PANK4: variants seen among roughly 807,000 people sequenced by gnomAD.
PANK4 encodes 4'-phosphopantetheine phosphatase.
A neutral mutation model predicts 87.9 loss-of-function variants in PANK4; 40 were observed. The observed-to-expected ratio is 0.46, with a 90% CI of 0.35 to 0.59. The LOEUF (loss-of-function observed/expected upper bound fraction) is 0.59, where lower values mean the gene tolerates loss of function less well. PANK4 is among the 20% of genes least tolerant of loss of function. The probability of loss-of-function intolerance (pLI) is 0.00; values close to 1 mark genes in which losing one functional copy is unlikely to be tolerated. For missense variants in PANK4, 926 were observed against 1,072.3 expected (o/e 0.86, Z 1.90); for synonymous variants, 524 against 467.4 (o/e 1.12, Z -1.56).
chr1:2,513,993 T>A lies in PANK4; in HGVS notation c.1575+9A>T. The A allele has an allele frequency of 6.3e-7, 1 of 1,599,394 alleles. No homozygotes were observed. The highest frequency in any genetic ancestry group is 1.1e-5 in the South Asian group (1 of 90,860). On this transcript the variant is annotated intron_variant, in intron 12 of 18. Coordinates refer to ENST00000378466, the MANE Select transcript of PANK4 (RefSeq NM_018216.4). ...GAGCGAGCGGAAGGCCAGGGCACACTGCACTTACTTTGGAGTAGGGATCCG... is the reference window on the plus strand; with the variant it reads ...GAGCGAGCGGAAGGCCAGGGCACACAGCACTTACTTTGGAGTAGGGATCCG...
intron 1 of PANK4, among the ~76,000 whole-genome samples, chr1:2,524,597 A>G (rs576039127): frequency 4.0e-4 from 61 of 151,998 alleles, no homozygotes; most frequent in Non-Finnish European, 7.7e-4. Flanking sequence ...ACAGGCTGGT[A>G]CTCCAGGGCC....
At position 2,520,448 on chromosome 1, in the gene PANK4, G is replaced by A. The variant is rs200996937; in HGVS notation, c.607-34C>T. The A allele has an allele frequency of 6.6e-3, 10,385 of 1,577,574 alleles. 42 individuals carry two copies. The highest frequency in any genetic ancestry group is 8.1e-3 in the Non-Finnish European group (9,283 of 1,149,300). On this transcript the variant is annotated intron_variant, in intron 4 of 18. Transcript: ENST00000378466. The surrounding 1 kb of genome is among the most constrained non-coding windows in gnomAD (Gnocchi z 6.2). ...GAGCCAGGGCAGGTGTGCCCTCAGT[G>A]GGCCCTCAGCCACACAGGCTCCCCC... is the stretch of plus-strand genomic sequence containing the variant.
At chr1:2,514,817 C>T (rs775510677) in intron 10 of PANK4, among the ~76,000 whole-genome samples, 124 of 152,024 alleles carry the variant, frequency 8.2e-4, no homozygotes, top group Non-Finnish European at 1.5e-3. Flanking sequence ...CTTTGCCATT[C>T]GCCCCTCCCA....
In PANK4 at chr1:2,520,796, C is replaced by T. The variant is rs779917427; in HGVS notation, c.533G>A (p.Arg178Gln). 3.1e-6 allele frequency: 5 copies of T among 1,612,744 alleles called. No homozygotes were observed. The highest frequency in any genetic ancestry group is 3.4e-6 in the Non-Finnish European group (4 of 1,179,524). Residue 178 changes from arginine (R) to glutamine (Q), a missense_variant, in exon 4 of 19, where the codon CGG (arginine) becomes CAG (glutamine). Coordinates refer to ENST00000378466, the MANE Select transcript of PANK4 (RefSeq NM_018216.4). This position sits in a 1 kb window ranked among gnomAD's most constrained non-coding sequence, Gnocchi z 6.2. The part of the protein sequence containing the change: ...VYQKDSDPEF[R>Q]FQTNHPHIFP... ...AATGTGGGGGTGGTTGGTCTGGAACCGGAACTCAGGGTCGGAATCCTTCTG... is the reference window on the plus strand; with the variant it reads ...AATGTGGGGGTGGTTGGTCTGGAACTGGAACTCAGGGTCGGAATCCTTCTG...
chr1:2,519,090 G>C lies in PANK4; in HGVS notation c.1035+53C>G. 1 of 1,530,134 alleles carries C rather than the reference G, an allele frequency of 6.5e-7. No homozygotes were observed. The highest frequency in any genetic ancestry group is 8.9e-7 in the Non-Finnish European group (1 of 1,117,352). 94.8% of individuals were successfully genotyped at this position (1,530,134 alleles called of 1,614,324 possible). The stretch of plus-strand genomic sequence containing the variant: ...GTGTCTAACCAGCATGACTGATTGG[G>C]AAGATCCTGGGGGGTCTGCGTTAGA... On this transcript the variant is annotated intron_variant, in intron 7 of 18. Transcript: ENST00000378466. This position sits in a 1 kb window ranked among gnomAD's most constrained non-coding sequence, Gnocchi z 8.3.
rs533179080 is a variant in PANK4 at position 2,523,290 on chromosome 1, G to A, written c.125-1490C>T. Reference sequence around the variant, plus strand: ...ACGGCTGGCGTACAGTCTGGTGGACGCGTCACAGGCTCAATCTGATCCCCT... The same window carrying A: ...ACGGCTGGCGTACAGTCTGGTGGACACGTCACAGGCTCAATCTGATCCCCT... On this transcript the variant is annotated intron_variant, in intron 1 of 18. Coordinates refer to ENST00000378466, the MANE Select transcript of PANK4 (RefSeq NM_018216.4). Among the ~76,000 whole-genome samples the A allele has an allele frequency of 2.6e-3, 395 of 152,254 alleles. 4 individuals are homozygous for A. The highest frequency in any genetic ancestry group is 0.024 in the Middle Eastern group (7 of 294).
intron 2 of PANK4, 183 bp from the exon 3 acceptor site, chr1:2,521,498 G>C (rs1366233591): frequency 1.9e-5 from 13 of 687,940 alleles, no homozygotes; most frequent in Non-Finnish European, 2.8e-5. Context: ...CACCCAGCAG[G>C]AGCGGAAGCC....
intron 2 of PANK4, 27 bp from the exon 3 acceptor site, chr1:2,521,342 A>G: frequency 1.9e-6 from 3 of 1,568,840 alleles, no homozygotes; most frequent in East Asian, 2.2e-5. Context: ...GGGAGGCCGC[A>G]TGTGTGTGGG....
chr1:2,510,119 G>T lies in PANK4; in HGVS notation c.1977C>A (p.Asp659Glu). The change falls in exon 17 of 19, where the codon GAC becomes GAA. Residue 659 changes from aspartate (D) to glutamate (E), a missense_variant. Transcript: ENST00000378466. This position sits in a 1 kb window ranked among gnomAD's most constrained non-coding sequence, Gnocchi z 4.9. ...CGATGAGGGACTCGCTGTGGGTCAC[G>T]TCGTTCAGGGCGGGGCCTGAGTTGC... The part of the protein sequence containing the change: ...LACNSGPALN[D>E]VTHSESLIVA... 6.2e-7 allele frequency: 1 copy of T among 1,610,206 alleles called. No homozygotes were observed. Among genetic ancestry groups the T allele is most frequent in the East Asian group, 2.2e-5 (1 of 44,680 alleles).
At chr1:2,522,549 AG>A (rs1438548000) in intron 1 of PANK4, among the ~76,000 whole-genome samples, 1 of 152,212 alleles carries the variant, frequency 6.6e-6, no homozygotes, top group Non-Finnish European at 1.5e-5. Context: ...AGATTCTTGA[AG>A]AAGGCCTTTT....
chr1:2,510,887 G>A lies in PANK4; in HGVS notation c.1834-105C>T, dbSNP rs1393042086. 4 of 714,002 alleles carry A rather than the reference G, an allele frequency of 5.6e-6. No homozygotes were observed. In the East Asian group the frequency reaches 1.0e-4, roughly 18 times the overall value. 44.2% of individuals were successfully genotyped at this position (714,002 alleles called of 1,614,324 possible). A position where few individuals can be genotyped will look rare whatever the true frequency, so the allele number is the denominator to read the frequency against. ...CTGCCCTGCAGGGGCCGAGACTGGG[G>A]GCTTCAGGGCCCCAGAGATGCCAGG... On this transcript the variant is annotated intron_variant, in intron 15 of 18. Coordinates refer to ENST00000378466, the MANE Select transcript of PANK4 (RefSeq NM_018216.4). This position sits in a 1 kb window ranked among gnomAD's most constrained non-coding sequence, Gnocchi z 4.9.
At chr1:2,521,347 T>C (rs764452571) in intron 2 of PANK4, 32 bp from the exon 3 acceptor site, 3 of 1,540,312 alleles carry the variant, frequency 1.9e-6, no homozygotes, top group African/African-American at 2.7e-5. Flanking sequence ...GCCGCATGTG[T>C]GTGGGACACC....
At position 2,510,826 on chromosome 1, in the gene PANK4, C is replaced by T. The variant is rs777027690; in HGVS notation, c.1834-44G>A. On this transcript the variant is annotated intron_variant, in intron 15 of 18. Transcript: ENST00000378466. The surrounding 1 kb of genome is among the most constrained non-coding windows in gnomAD (Gnocchi z 4.9). ...ACGTTCAGTTGGGAACAGGCGCATC[C>T]AAGCGAGTCAGTCCGCACCCCTGCT... 1 of 1,159,078 alleles carries T rather than the reference C, an allele frequency of 8.6e-7. No homozygotes were observed. The highest frequency in any genetic ancestry group is 1.3e-6 in the Non-Finnish European group (1 of 766,282). The allele number at this position is 1,159,078 out of a possible 1,614,324, so 71.8% of individuals were successfully genotyped here.
chr1:2,522,593 A>C lies in PANK4; in HGVS notation c.125-793T>G, dbSNP rs116686791. ...AAATTCTTCTAAGTTAAAAAAAAAAACAGACATTGTTGAGGCTAGAGTTGT... is the reference window on the plus strand; with the variant it reads ...AAATTCTTCTAAGTTAAAAAAAAAACCAGACATTGTTGAGGCTAGAGTTGT... On this transcript the variant is annotated intron_variant, in intron 1 of 18. Transcript: ENST00000378466. Among the ~76,000 whole-genome samples the C allele has an allele frequency of 7.1e-3, 1,083 of 152,346 alleles. 14 individuals are homozygous for C. The highest frequency in any genetic ancestry group is 0.025 in the African/African-American group (1,043 of 41,574).
At chr1:2,517,632 G>A (rs1033248083) in intron 9 of PANK4, among the ~76,000 whole-genome samples, 1 of 152,226 alleles carries the variant, frequency 6.6e-6, no homozygotes, top group Admixed American at 6.5e-5. Context: ...CAGACATGGG[G>A]TGCGTCTCCT....
In PANK4 at chr1:2,511,023, G is replaced by A. The variant is rs201210037; in HGVS notation, c.1834-241C>T. 6.3e-4 allele frequency among the ~76,000 whole-genome samples: 95 copies of A among 151,982 alleles called. No individual in the cohort carries two copies. The East Asian group carries it at 0.014, about 23-fold the overall frequency. ...GGGACTTCAGGACCCCAGAGGCACC[G>A]GGACGGGCCAGCCTGCAGGGGCTGA... On this transcript the variant is annotated intron_variant, in intron 15 of 18. Transcript: ENST00000378466.
At position 2,520,832 on chromosome 1, in the gene PANK4, GCCT is replaced by G; in HGVS notation, c.494_496del (p.Glu165del). On this transcript the variant is annotated inframe_deletion, in exon 4 of 19. Coordinates refer to ENST00000378466, the MANE Select transcript of PANK4 (RefSeq NM_018216.4). This position sits in a 1 kb window ranked among gnomAD's most constrained non-coding sequence, Gnocchi z 6.2. ...GTCGGAATCCTTCTGGTACACGAAGGCCTCATGGGGGATGTTCTTGAGCACGAA... is the reference window on the plus strand; with the variant it reads ...GTCGGAATCCTTCTGGTACACGAAGGCATGGGGGATGTTCTTGAGCACGAA... The G allele has an allele frequency of 6.2e-7, 1 of 1,600,462 alleles. No individual in the cohort carries two copies. The highest frequency in any genetic ancestry group is 8.5e-7 in the Non-Finnish European group (1 of 1,173,824).
At chr1:2,514,520 A>T in intron 10 of PANK4, 54 bp from the exon 11 acceptor site, 1 of 1,118,634 alleles carries the variant, frequency 8.9e-7, no homozygotes, top group East Asian at 4.0e-5. Context: ...CTGCTTGCGA[A>T]TCCCCACGTG....
rs565478317 is a variant in PANK4 at position 2,523,373 on chromosome 1, G to A, written c.125-1573C>T. On this transcript the variant is annotated intron_variant, in intron 1 of 18. Transcript: ENST00000378466. ...CCTGCCCCCAGTGCTGGCCGGGCCC[G>A]GAGAGTCTCACTAACATGCACCATG... is the stretch of plus-strand genomic sequence containing the variant. Among the ~76,000 whole-genome samples the A allele has an allele frequency of 1.9e-4, 29 of 152,250 alleles. No homozygotes were observed. In the East Asian group the frequency reaches 3.1e-3, roughly 16 times the overall value.
Sources: allele counts gnomAD v4.1 joint callset (sites outside exome capture counted in the v4.1 genomes callset), GRCh38; gene constraint gnomAD v4.1.1; non-coding constraint Gnocchi (gnomAD v3.1); transcripts MANE v1.5; gene names NCBI Gene and HGNC (gene_info 2026-07-23, HGNC 2026-07-21).